Variants in NT5C3A observed in about 807,000 individuals in gnomAD.
The protein encoded by NT5C3A is 5'-nucleotidase, cytosolic IIIA.
In NT5C3A, 23 loss-of-function variants were observed where a neutral mutation model predicts 40.0. The observed-to-expected ratio is 0.58, with a 90% CI of 0.41 to 0.81. NT5C3A has a LOEUF of 0.81. Ranked by LOEUF, NT5C3A falls within the 40% of genes least tolerant of loss-of-function variation. The pLI, the probability that NT5C3A is intolerant of heterozygous loss-of-function variation, is 0.00. For missense variants in NT5C3A, 328 were observed against 403.0 expected, an observed-to-expected ratio of 0.81 and a Z score of 1.59; for synonymous variants, 130 against 141.4, an observed-to-expected ratio of 0.92 and a Z score of 0.57.
chr7:33,030,067 G>A (rs185587249), intron 1 of NT5C3A, among the ~76,000 whole-genome samples: 4 of 152,210 alleles, frequency 2.6e-5, no homozygotes, highest in Middle Eastern at 3.4e-3. Context: ...GGGTTATATA[G>A]TATACTATAC....
chr7:33,022,460 G>A (rs527787870), intron 3 of NT5C3A, among the ~76,000 whole-genome samples: 17 of 151,936 alleles, frequency 1.1e-4, no homozygotes, highest in Admixed American at 5.2e-4. Flanking sequence ...CATTTTTTTC[G>A]TAATAAAAAG....
chr7:33,045,482 C>T lies in NT5C3A; in HGVS notation c.138+17086G>A, dbSNP rs181905037. Among the ~76,000 whole-genome samples, 4 of 148,324 alleles carry T rather than the reference C, an allele frequency of 2.7e-5. No individual in the cohort carries two copies. The East Asian group carries it at 5.9e-4, about 22-fold the overall frequency. ...GAAAAATTTTTTTTTTTTTTTGAGA[C>T]GGAGTCTCACTCTGTCACCCAGGCT... is the stretch of plus-strand genomic sequence containing the variant. On this transcript the variant is annotated intron_variant, in intron 1 of 8. Coordinates refer to ENST00000610140, the MANE Select transcript of NT5C3A (RefSeq NM_001002010.5).
intron 2 of NT5C3A, among the ~76,000 whole-genome samples, chr7:33,026,336 G>A (rs1473044280): frequency 1.1e-4 from 12 of 110,770 alleles, no homozygotes; most frequent in Admixed American, 3.8e-4. Context: ...GCAACAGAGC[G>A]AGACTCCATC....
In NT5C3A at chr7:33,017,443, T is replaced by A; in HGVS notation, c.689A>T (p.Glu230Val). The change falls in exon 7 of 9, where the codon GAA (glutamate) becomes GTA (valine). Residue 230 changes from glutamate (E) to valine (V), a missense_variant. Physicochemically the swap from Glu to Val is moderately radical, Grantham distance 121. Transcript: ENST00000610140. ...KVVSNFMDFD[E>V]TGVLKGFKGE... Reference sequence around the variant, plus strand: ...AGAACGATTTGATATTCTTACAGTTTCATCAAAATCCATAAAATTGGACAC... The same window carrying A: ...AGAACGATTTGATATTCTTACAGTTACATCAAAATCCATAAAATTGGACAC... The A allele has an allele frequency of 6.2e-7, 1 of 1,601,654 alleles. No homozygotes were observed. Among genetic ancestry groups the A allele is most frequent in the South Asian group, 1.1e-5 (1 of 90,280 alleles).
chr7:33,038,040 T>C (rs957768278), intron 1 of NT5C3A, among the ~76,000 whole-genome samples: 63 of 152,266 alleles, frequency 4.1e-4, no homozygotes, highest in African/African-American at 1.4e-3. Flanking sequence ...TCTTCATTCA[T>C]AGCAATCAAA....
In NT5C3A at chr7:33,026,921, A is replaced by C. The variant is rs1439726142; in HGVS notation, c.139-6T>G. The C allele has an allele frequency of 6.3e-7, 1 of 1,591,162 alleles. No individual in the cohort carries two copies. Among genetic ancestry groups the C allele is most frequent in the African/African-American group, 1.3e-5 (1 of 74,528 alleles). On this transcript the variant is annotated splice_polypyrimidine_tract_variant and splice_region_variant and intron_variant, in intron 1 of 8. Transcript: ENST00000610140. ...CTTTTCTGGAATTCTGGCATCTAAA[A>C]GTAAAAGAAAATTAATTAATTAGTT...
intron 1 of NT5C3A, among the ~76,000 whole-genome samples, chr7:33,054,614 C>A (rs957547370): frequency 1.3e-5 from 2 of 152,088 alleles, no homozygotes; most frequent in Admixed American, 6.5e-5. Flanking sequence ...GGGGATGGTG[C>A]CCAAGTTTAA....
rs776873396 is a variant in NT5C3A, at chr7:33,039,555, G to GTTTTTTTTTTTTTTTTTTTTTT, written c.139-12641_139-12640insAAAAAAAAAAAAAAAAAAAAAA. ...TACTATTTGACTTTCTTAAGCTTGG[G>GTTTTTTTTTTTTTTTTTTTTTT]TTTTTTGTTTTTTTTTTTTTTTAAT... On this transcript the variant is annotated intron_variant, in intron 1 of 8. Coordinates refer to ENST00000610140, the MANE Select transcript of NT5C3A (RefSeq NM_001002010.5). 1.3e-4 allele frequency among the ~76,000 whole-genome samples: 9 copies of GTTTTTTTTTTTTTTTTTTTTTT among 70,034 alleles called. 4 individuals are homozygous for GTTTTTTTTTTTTTTTTTTTTTT. Among genetic ancestry groups the GTTTTTTTTTTTTTTTTTTTTTT allele is most frequent in the Middle Eastern group, 0.013 (1 of 80 alleles). The allele number at this position is 70,034 out of a possible 152,430, so 45.9% of individuals were successfully genotyped here.
chr7:33,043,195 T>C (rs1478647746), intron 1 of NT5C3A, among the ~76,000 whole-genome samples: 1 of 152,230 alleles, frequency 6.6e-6, no homozygotes, highest in Non-Finnish European at 1.5e-5. Flanking sequence ...TACTGCTCCA[T>C]GAGCTGAGTA....
rs754576400 is a variant in NT5C3A at position 33,062,735 on chromosome 7, G to GA, written c.-31dup. 19 of 1,551,434 alleles carry GA rather than the reference G, an allele frequency of 1.2e-5. No homozygotes were observed. Among genetic ancestry groups the GA allele is most frequent in the Middle Eastern group, 1.8e-4 (1 of 5,630 alleles). On this transcript the variant is annotated 5_prime_UTR_variant, in exon 1 of 9. Transcript: ENST00000610140. Reference sequence around the variant, plus strand: ...GGGGCCCTCATGCGCGTCCAAGCAGGAAAAAAACAGGCAGCTCGCGTAGAC... The same window carrying GA: ...GGGGCCCTCATGCGCGTCCAAGCAGGAAAAAAAACAGGCAGCTCGCGTAGAC...
chr7:33,050,968 T>C (rs1562603662), intron 1 of NT5C3A, among the ~76,000 whole-genome samples: 1 of 152,086 alleles, frequency 6.6e-6, no homozygotes, highest in East Asian at 1.9e-4. Context: ...CTGCTGTTTT[T>C]AAGGAGAGAA....
chr7:33,019,748 A>G, intron 5 of NT5C3A, 24 bp from the exon 6 acceptor site: 1 of 1,240,764 alleles, frequency 8.1e-7, no homozygotes, highest in Non-Finnish European at 1.2e-6. Context: ...CCAAAGGAAA[A>G]AAGACTATCA....
intron 6 of NT5C3A, among the ~76,000 whole-genome samples, chr7:33,018,939 A>C (rs1440217410): frequency 6.6e-6 from 1 of 152,224 alleles, no homozygotes; most frequent in African/African-American, 2.4e-5. Context: ...TTTTCAAAGA[A>C]GTTCGAGAAT....
At position 33,022,418 on chromosome 7, in the gene NT5C3A, T is replaced by C. The variant is rs150477551; in HGVS notation, c.308-319A>G. Reference sequence around the variant, plus strand: ...TTGATCACTTCCATTTTCTACTTTGTAATTAAATATAAGAAACACATATGG... The same window carrying C: ...TTGATCACTTCCATTTTCTACTTTGCAATTAAATATAAGAAACACATATGG... On this transcript the variant is annotated intron_variant, in intron 3 of 8. Coordinates refer to ENST00000610140, the MANE Select transcript of NT5C3A (RefSeq NM_001002010.5). Among the ~76,000 whole-genome samples, 151 of 114,480 alleles carry C rather than the reference T, an allele frequency of 1.3e-3. 1 individual carries two copies. Among genetic ancestry groups the C allele is most frequent in the Admixed American group, 2.4e-3 (25 of 10,386 alleles). The allele number at this position is 114,480 out of a possible 152,430, so 75.1% of individuals were successfully genotyped here. A position where few individuals can be genotyped will look rare whatever the true frequency, so the allele number is the denominator to read the frequency against.
At position 33,019,669 on chromosome 7, in the gene NT5C3A, T is replaced by A; in HGVS notation, c.496A>T (p.Lys166Ter). 2 of 1,610,328 alleles carry A rather than the reference T, an allele frequency of 1.2e-6. No homozygotes were observed. Among genetic ancestry groups the A allele is most frequent in the South Asian group, 2.2e-5 (2 of 91,014 alleles). The change falls in exon 6 of 9, where the codon AAA (lysine) becomes TAA (stop). Residue 166 changes from lysine (K) to a stop codon, truncating the protein, a stop_gained. Coordinates refer to ENST00000610140, the MANE Select transcript of NT5C3A (RefSeq NM_001002010.5). LOFTEE classifies it high-confidence loss of function. ...ACGTCAGATTCTGCCACAATTTCTT[T>A]AAGTTTAGCTTTTGGTAAAGCTTGC... ...VQQALPKAKL[K>*]EIVAESDVML...
Position 33,015,841 on chromosome 7 carries a change from T to C in NT5C3A, c.723A>G (p.Leu241=). The change falls in exon 8 of 9, where the codon CTA becomes CTG. Residue 241 remains leucine, a synonymous_variant. Transcript: ENST00000610140. ...CATCATGTTTGTTAAATACATGAAT[T>C]AGTTCTCCTTTAAATCCTTTGAGCA... is the stretch of plus-strand genomic sequence containing the variant. ...TGVLKGFKGE[L]IHVFNKHDGA... 6.2e-7 allele frequency: 1 copy of C among 1,609,296 alleles called. No individual in the cohort carries two copies. Among genetic ancestry groups the C allele is most frequent in the Non-Finnish European group, 8.5e-7 (1 of 1,175,598 alleles).
intron 1 of NT5C3A, chr7:33,039,026 TTG>T (rs1275834736): frequency 2.5e-6 from 1 of 404,192 alleles, no homozygotes; most frequent in Non-Finnish European, 4.9e-6. Flanking sequence ...TGTGTGCTTT[TTG>T]TATGAGATTA....
chr7:33,038,108 T>C (rs1786709052), intron 1 of NT5C3A, among the ~76,000 whole-genome samples: 1 of 152,170 alleles, frequency 6.6e-6, no homozygotes, highest in Non-Finnish European at 1.5e-5. Flanking sequence ...AAAAGCAGTC[T>C]AGATTTCTCA....
At chr7:33,044,084 T>C (rs906764373) in intron 1 of NT5C3A, among the ~76,000 whole-genome samples, 2 of 151,632 alleles carry the variant, frequency 1.3e-5, no homozygotes, top group Non-Finnish European at 2.9e-5. Context: ...TGGAGTACAA[T>C]GGCGCTATCT....
Sources: allele counts gnomAD v4.1 joint callset (sites outside exome capture counted in the v4.1 genomes callset), GRCh38; gene constraint gnomAD v4.1.1; transcripts MANE v1.5; gene names NCBI Gene and HGNC (gene_info 2026-07-23, HGNC 2026-07-21).